Variants in AP3B2 observed in about 807,000 individuals in gnomAD.
AP3B2 encodes the protein adaptor related protein complex 3 subunit beta 2, also known as AP-3 complex subunit beta-2.
AP3B2 carries 50 observed loss-of-function variants against 126.9 expected under a neutral mutation model. The observed-to-expected ratio is 0.39, with a 90% CI of 0.31 to 0.50. The LOEUF (loss-of-function observed/expected upper bound fraction) is 0.50. Among genes scored for constraint, AP3B2 ranks in the 20% least tolerant of loss-of-function variants. AP3B2 has a pLI of 0.79. For missense variants in AP3B2, 1,177 were observed against 1,426.4 expected (o/e 0.83, Z 2.82); for synonymous variants, 541 against 565.0 (o/e 0.96, Z 0.60).
chr15:82,666,477 G>T (rs1567258001), intron 15 of AP3B2, among the ~76,000 whole-genome samples: 1 of 152,224 alleles, frequency 6.6e-6, no homozygotes, highest in Admixed American at 6.5e-5. Flanking sequence ...CAGGGAGGGA[G>T]ATGGAAAAGG....
rs2048010804 is a variant in AP3B2, at chr15:82,664,244, C to T, written c.2261+123G>A. The stretch of plus-strand genomic sequence containing the variant: ...CGAAAGTAGGCGTCATGTGAGCTGA[C>T]AGCCCCACCCAGCTCACGAGGGGCT... On this transcript the variant is annotated intron_variant, in intron 19 of 26. Transcript: ENST00000535359. The surrounding 1 kb of genome is among the most constrained non-coding windows in gnomAD (Gnocchi z 4.5). 4 of 1,464,866 alleles carry T rather than the reference C, an allele frequency of 2.7e-6. No homozygotes were observed. Among genetic ancestry groups the T allele is most frequent in the Non-Finnish European group, 3.7e-6 (4 of 1,078,596 alleles). 90.7% of individuals were successfully genotyped at this position (1,464,866 alleles called of 1,614,324 possible). A position where few individuals can be genotyped will look rare whatever the true frequency, so the allele number is the denominator to read the frequency against.
intron 1 of AP3B2, among the ~76,000 whole-genome samples, chr15:82,698,848 C>A (rs1040409914): frequency 2.0e-5 from 3 of 152,108 alleles, no homozygotes; most frequent in African/African-American, 7.2e-5. Context: ...CAGGCCCCTG[C>A]AGGAGAAGGG....
At chr15:82,661,393 A>C (rs1382275446) in intron 25 of AP3B2, among the ~76,000 whole-genome samples, 3 of 152,186 alleles carry the variant, frequency 2.0e-5, no homozygotes, top group African/African-American at 7.2e-5. Flanking sequence ...CTTCTAGGCC[A>C]GAGGTTTTGC....
intron 1 of AP3B2, among the ~76,000 whole-genome samples, chr15:82,695,434 T>C (rs2048616670): frequency 1.3e-5 from 2 of 152,068 alleles, no homozygotes; most frequent in Non-Finnish European, 2.9e-5. Flanking sequence ...ATTTGACCTC[T>C]GGGGAATGGG....
Position 82,706,016 on chromosome 15 carries a change from T to C in AP3B2, c.113+3578A>G, listed in dbSNP as rs1436434162. ...ACAGCCAAAGTGCAGGGCTGTGCGG[T>C]TGGAATTCTTACACAAGAGCTGGGA... On this transcript the variant is annotated intron_variant, in intron 1 of 26. Coordinates refer to ENST00000535359, the MANE Select transcript of AP3B2 (RefSeq NM_001278512.2). Among the ~76,000 whole-genome samples the C allele has an allele frequency of 2.6e-5, 4 of 152,144 alleles. No homozygotes were observed. In the East Asian group the frequency reaches 5.8e-4, roughly 22 times the overall value.
At chr15:82,683,841 A>G (rs1489053925) in intron 4 of AP3B2, among the ~76,000 whole-genome samples, 1 of 152,246 alleles carries the variant, frequency 6.6e-6, no homozygotes, top group Non-Finnish European at 1.5e-5. Context: ...GTTAGCAGGC[A>G]TGAAATCATT....
intron 25 of AP3B2, among the ~76,000 whole-genome samples, chr15:82,660,539 G>C (rs1048462732): frequency 1.3e-5 from 2 of 152,060 alleles, no homozygotes; most frequent in African/African-American, 4.8e-5. Context: ...AACCTTCACA[G>C]CACCCCCAGA....
At position 82,666,944 on chromosome 15, in the gene AP3B2, A is replaced by G; in HGVS notation, c.1666-11T>C. 6.2e-7 allele frequency: 1 copy of G among 1,602,900 alleles called. No individual in the cohort carries two copies. Among genetic ancestry groups the G allele is most frequent in the Non-Finnish European group, 8.5e-7 (1 of 1,171,314 alleles). On this transcript the variant is annotated splice_polypyrimidine_tract_variant and intron_variant, in intron 14 of 26. Transcript: ENST00000535359. ...GGTCAGCAGCTTGGTCTGGAGGAAC[A>G]GGAAGAGGTGGGTCAGCTGACGGGG...
rs2047942739 is a variant in AP3B2, at chr15:82,661,306, C to CAGCTTTT, written c.3016+518_3016+519insAAAAGCT. Among the ~76,000 whole-genome samples the CAGCTTTT allele has an allele frequency of 6.6e-5, 10 of 152,152 alleles. 1 individual carries two copies. ...TACTAAATAGCTCCTCCTGAATTTC[C>CAGCTTTT]CAAATGCATTTCAAAATCAGCTTAT... On this transcript the variant is annotated intron_variant, in intron 25 of 26. Transcript: ENST00000535359.
At position 82,664,114 on chromosome 15, in the gene AP3B2, G is replaced by C; in HGVS notation, c.2262-139C>G. The C allele has an allele frequency of 1.4e-6, 2 of 1,399,582 alleles. No individual in the cohort carries two copies. Among genetic ancestry groups the C allele is most frequent in the Non-Finnish European group, 9.4e-7 (1 of 1,061,516 alleles). The allele number at this position is 1,399,582 out of a possible 1,614,324, so 86.7% of individuals were successfully genotyped here. A position where few individuals can be genotyped will look rare whatever the true frequency, so the allele number is the denominator to read the frequency against. On this transcript the variant is annotated intron_variant, in intron 19 of 26. Transcript: ENST00000535359. The surrounding 1 kb of genome is among the most constrained non-coding windows in gnomAD (Gnocchi z 4.5). ...GGTTCACACCTGAGGTCCTATAGCA[G>C]GGACCCCGTGAGAGCTTGAAGCCAG...
chr15:82,666,926 A>G lies in AP3B2; in HGVS notation c.1673T>C (p.Leu558Pro), dbSNP rs1296574554. The G allele has an allele frequency of 6.2e-7, 1 of 1,609,626 alleles. No individual in the cohort carries two copies. The highest frequency in any genetic ancestry group is 1.3e-5 in the African/African-American group (1 of 74,848). ...LYLTNSKQTK[L>P]LTQYVLSLAK... ...CAGACTCAGCACATACTGGGTCAGC[A>G]GCTTGGTCTGGAGGAACAGGAAGAG... Residue 558 changes from leucine to proline, a missense_variant, in exon 15 of 27, where the codon CTG becomes CCG. By Grantham distance (98) the Leu-to-Pro change is moderately conservative. Around this residue, in one of 5 missense-constraint regions of AP3B2, gnomAD observed 308 missense variants for 452.4 expected, o/e 0.68. Transcript: ENST00000535359.
In AP3B2 at chr15:82,681,210, A is replaced by G; in HGVS notation, c.522-32T>C. 1.3e-6 allele frequency: 2 copies of G among 1,593,596 alleles called. No homozygotes were observed. Among genetic ancestry groups the G allele is most frequent in the South Asian group, 1.1e-5 (1 of 88,156 alleles). ...GAGAAATCGGTGAGGGGAATTTGCC[A>G]CTCTCAGCCCCAGCCTTCCCAATAT... On this transcript the variant is annotated intron_variant, in intron 5 of 26. Coordinates refer to ENST00000535359, the MANE Select transcript of AP3B2 (RefSeq NM_001278512.2). This position sits in a 1 kb window ranked among gnomAD's most constrained non-coding sequence, Gnocchi z 4.0.
At chr15:82,673,957 CCAGGGTCTATATCCA>C (rs1373745549) in intron 14 of AP3B2, among the ~76,000 whole-genome samples, 1 of 152,200 alleles carries the variant, frequency 6.6e-6, no homozygotes, top group African/African-American at 2.4e-5. Flanking sequence ...GGCAGTTTCC[CCAGGGTCTATATCCA>C]GGTGGATGTA....
intron 4 of AP3B2, chr15:82,685,207 T>C: frequency 6.6e-6 from 1 of 152,318 alleles, no homozygotes; most frequent in South Asian, 2.1e-4. Context: ...TTAAAAAGTT[T>C]GGAATATTGT....
At chr15:82,679,219 G>A (rs760602182) in intron 10 of AP3B2, among the ~76,000 whole-genome samples, 1 of 152,210 alleles carries the variant, frequency 6.6e-6, no homozygotes, top group Admixed American at 6.5e-5. Context: ...TGTCTCCCAG[G>A]TTCAGGCAAT....
At chr15:82,704,308 G>A (rs938269891) in intron 1 of AP3B2, among the ~76,000 whole-genome samples, 3 of 151,290 alleles carry the variant, frequency 2.0e-5, no homozygotes, top group Admixed American at 6.6e-5. Flanking sequence ...ATTAAATTCC[G>A]GCCCTCAAAC....
rs1567256006 is a variant in AP3B2 at position 82,663,886 on chromosome 15, T to A, written c.2351A>T (p.Asp784Val). The change falls in exon 20 of 27, where the codon GAT becomes GTT. Residue 784 changes from aspartate (D) to valine (V), a missense_variant. Physicochemically the swap from Asp to Val is radical, Grantham distance 152. Coordinates refer to ENST00000535359, the MANE Select transcript of AP3B2 (RefSeq NM_001278512.2). ...GEASSSDEGSDSSSSSSESEM... is the reference protein window; with the variant it reads ...GEASSSDEGSVSSSSSSESEM... ...GGACTCTGATGAGCTACTGCTGGAA[T>A]CGCTGCCCTCATCAGAGGATGACGC... The A allele has an allele frequency of 1.7e-5, 28 of 1,613,824 alleles. No individual in the cohort carries two copies. Among genetic ancestry groups the A allele is most frequent in the Non-Finnish European group, 2.4e-5 (28 of 1,179,884 alleles).
intron 14 of AP3B2, among the ~76,000 whole-genome samples, chr15:82,672,316 A>G (rs1309312104): frequency 6.6e-6 from 1 of 152,222 alleles, no homozygotes; most frequent in Admixed American, 6.5e-5. Context: ...AACAACATGG[A>G]TAGAACTAGA....
At chr15:82,689,337 C>A (rs1223439969) in intron 2 of AP3B2, 41 bp downstream of exon 2, 9 of 1,612,538 alleles carry the variant, frequency 5.6e-6, no homozygotes, top group Non-Finnish European at 7.6e-6. Flanking sequence ...CTTGGCCACC[C>A]AGGCCCCGCC....
Sources: gnomAD v4.1 joint callset for allele counts (sites outside exome capture counted in the v4.1 genomes callset) on GRCh38, gnomAD v4.1.1 for gene constraint, gnomAD v4.1.1 regional missense constraint, Gnocchi (gnomAD v3.1) non-coding constraint, MANE v1.5 for transcripts, NCBI Gene and HGNC (gene_info 2026-07-23, HGNC 2026-07-21) for gene names.